Variants in WDR33 observed in about 807,000 individuals in gnomAD.
The protein encoded by WDR33 is pre-mRNA 3' end processing protein WDR33.
In WDR33, 47 loss-of-function variants were observed where a neutral mutation model predicts 164.9. That is an observed-to-expected ratio of 0.29 (90% confidence interval 0.23 to 0.36). WDR33 has a LOEUF of 0.36. Ranked by LOEUF, WDR33 falls within the 10% of genes least tolerant of loss-of-function variation. The pLI is 1.00. For synonymous variants in WDR33, 505 were observed against 589.0 expected (o/e 0.86, Z 2.06); for missense variants, 1,137 against 1,754.1 (o/e 0.65, Z 6.28).
At chr2:127,808,644 C>CA (rs1689520923) in intron 1 of WDR33, among the ~76,000 whole-genome samples, 1 of 152,118 alleles carries the variant, frequency 6.6e-6, no homozygotes, top group Non-Finnish European at 1.5e-5. Context: ...CCTGTAATCC[C>CA]AGCACTTTGG....
At chr2:127,790,845 G>C (rs1688818424) in intron 1 of WDR33, among the ~76,000 whole-genome samples, 1 of 152,132 alleles carries the variant, frequency 6.6e-6, no homozygotes, top group African/African-American at 2.4e-5. Flanking sequence ...GTTTTAGTTT[G>C]TGTCTTTGAA....
At chr2:127,749,248 C>T (rs955355714) in intron 7 of WDR33, among the ~76,000 whole-genome samples, 42 of 152,278 alleles carry the variant, frequency 2.8e-4, no homozygotes, top group African/African-American at 8.7e-4. Flanking sequence ...TCAGGTGGAT[C>T]GCATAAGCCC....
rs13411917 is a variant in WDR33 at position 127,704,053 on chromosome 2, G to A, written c.*2270C>T. ...GTGGGAAGATCACTTGAGCCCAGGA[G>A]GTTGAGGCTGCAGTGAACTGTGATC... On this transcript the variant is annotated 3_prime_UTR_variant, in exon 22 of 22. Coordinates refer to ENST00000322313, the MANE Select transcript of WDR33 (RefSeq NM_018383.5). The A allele has an allele frequency of 6.5e-3, 1,079 of 166,434 alleles. 10 individuals are homozygous for A. Among genetic ancestry groups the A allele is most frequent in the African/African-American group, 0.024 (1,012 of 41,492 alleles). 10.3% of individuals were successfully genotyped at this position (166,434 alleles called of 1,614,324 possible).
intron 1 of WDR33, among the ~76,000 whole-genome samples, chr2:127,797,869 C>T (rs552934418): frequency 1.3e-4 from 19 of 151,898 alleles, no homozygotes; most frequent in Admixed American, 9.9e-4. Context: ...AAAACTTAGC[C>T]GGGCATGGTG....
chr2:127,744,023 AC>A lies in WDR33; in HGVS notation c.725-17247del, dbSNP rs201705190. On this transcript the variant is annotated intron_variant, in intron 7 of 21. Coordinates refer to ENST00000322313, the MANE Select transcript of WDR33 (RefSeq NM_018383.5). Reference sequence around the variant, plus strand: ...ATCCCTCTATGGGGCTGGAGGAAAGACTTTTTACCATGTGTGCTTATTATTA... The same window carrying A: ...ATCCCTCTATGGGGCTGGAGGAAAGATTTTTACCATGTGTGCTTATTATTA... Among the ~76,000 whole-genome samples, 416 of 152,326 alleles carry A rather than the reference AC, an allele frequency of 2.7e-3. 4 individuals carry two copies. The highest frequency in any genetic ancestry group is 0.026 in the East Asian group (135 of 5,190).
chr2:127,723,040 G>A lies in WDR33; in HGVS notation c.1296C>T (p.Asp432=), dbSNP rs569981632. ...GMSEDGVEYD[D]LEPNSLAVIP... ...TTACTGCCAGGCTATTAGGTTCGAG[G>A]TCATCTATAAATAGTAATACACCAT... Residue 432 remains aspartate, a synonymous_variant, in exon 13 of 22, where the codon GAC becomes GAT. Transcript: ENST00000322313. This position sits in a 1 kb window ranked among gnomAD's most constrained non-coding sequence, Gnocchi z 5.9. 1.9e-6 allele frequency: 3 copies of A among 1,608,858 alleles called. No individual in the cohort carries two copies. Among genetic ancestry groups the A allele is most frequent in the Non-Finnish European group, 2.5e-6 (3 of 1,178,388 alleles).
chr2:127,710,126 C>T lies in WDR33; in HGVS notation c.3309-270G>A, dbSNP rs545394341. ...GGTATATACAAGTATTACTTCATTT[C>T]ATTCATTTCATTTTCACAGCCACCA... On this transcript the variant is annotated intron_variant, in intron 18 of 21. Coordinates refer to ENST00000322313, the MANE Select transcript of WDR33 (RefSeq NM_018383.5). The surrounding 1 kb of genome is among the most constrained non-coding windows in gnomAD (Gnocchi z 4.4). 1.3e-3 allele frequency among the ~76,000 whole-genome samples: 197 copies of T among 152,286 alleles called. 1 individual carries two copies. The highest frequency in any genetic ancestry group is 2.4e-3 in the Non-Finnish European group (161 of 68,034).
In WDR33 at chr2:127,701,572, G is replaced by A; in HGVS notation, c.*4751C>T. On this transcript the variant is annotated 3_prime_UTR_variant, in exon 22 of 22. Coordinates refer to ENST00000322313, the MANE Select transcript of WDR33 (RefSeq NM_018383.5). The stretch of plus-strand genomic sequence containing the variant: ...CAGCTGCAGGAGTACCTGGCGCAGG[G>A]GAAAGCTGGCGGCCCGGCGGCCGCG... 1 of 1,355,764 alleles carries A rather than the reference G, an allele frequency of 7.4e-7. No individual in the cohort carries two copies. The highest frequency in any genetic ancestry group is 9.5e-7 in the Non-Finnish European group (1 of 1,050,298). The allele number at this position is 1,355,764 out of a possible 1,614,324, so 84.0% of individuals were successfully genotyped here.
Position 127,723,469 on chromosome 2 carries a change from T to A in WDR33, c.1197-122A>T. ...TTACAATTTGTTTCTTCTACAAATT[T>A]AAAATGTGAGGTCATACACTTTGGC... On this transcript the variant is annotated intron_variant, in intron 11 of 21. Transcript: ENST00000322313. This position sits in a 1 kb window ranked among gnomAD's most constrained non-coding sequence, Gnocchi z 5.9. 1 of 787,180 alleles carries A rather than the reference T, an allele frequency of 1.3e-6. No homozygotes were observed. Among genetic ancestry groups the A allele is most frequent in the Non-Finnish European group, 2.0e-6 (1 of 498,456 alleles). 48.8% of individuals were successfully genotyped at this position (787,180 alleles called of 1,614,324 possible).
At chr2:127,786,844 C>CTTTTTTTTT (rs71307273) in intron 1 of WDR33, among the ~76,000 whole-genome samples, 9 of 111,868 alleles carry the variant, frequency 8.0e-5, no homozygotes, top group East Asian at 2.6e-4. Flanking sequence ...CCTTTCTGTT[C>CTTTTTTTTT]TTTTTTTTTT....
intron 1 of WDR33, among the ~76,000 whole-genome samples, chr2:127,809,527 C>T (rs187138039): frequency 3.7e-4 from 56 of 149,526 alleles, no homozygotes; most frequent in African/African-American, 1.2e-3. Context: ...CCTCTGCCTC[C>T]GGGGTTCAAG....
chr2:127,763,951 A>G lies in WDR33; in HGVS notation c.627-792T>C. Reference sequence around the variant, plus strand: ...AAAGCAGAAGCATGTTCATCCAACAATTTCTGTTAAGATTCTGAAAGTATG... The same window carrying G: ...AAAGCAGAAGCATGTTCATCCAACAGTTTCTGTTAAGATTCTGAAAGTATG... On this transcript the variant is annotated intron_variant, in intron 6 of 21. Transcript: ENST00000322313. The surrounding 1 kb of genome is among the most constrained non-coding windows in gnomAD (Gnocchi z 4.5). The G allele has an allele frequency of 1.0e-6, 1 of 985,772 alleles. No individual in the cohort carries two copies. Among genetic ancestry groups the G allele is most frequent in the African/African-American group, 1.7e-5 (1 of 57,374 alleles). The allele number at this position is 985,772 out of a possible 1,614,324, so 61.1% of individuals were successfully genotyped here.
At chr2:127,767,815 GCT>G (rs768841054) in intron 4 of WDR33, among the ~76,000 whole-genome samples, 2 of 152,176 alleles carry the variant, frequency 1.3e-5, no homozygotes, top group Non-Finnish European at 2.9e-5. Flanking sequence ...CAGTTCTTCA[GCT>G]CTCAGATGTT....
intron 1 of WDR33, among the ~76,000 whole-genome samples, chr2:127,807,539 A>G (rs1689483558): frequency 6.6e-6 from 1 of 152,214 alleles, no homozygotes; most frequent in South Asian, 2.1e-4. Flanking sequence ...GCAGTCACAC[A>G]GACACTAGAC....
rs1386899850 is a variant in WDR33 at position 127,703,628 on chromosome 2, G to A, written c.*2695C>T. 6.0e-6 allele frequency: 1 copy of A among 167,076 alleles called. No homozygotes were observed. The highest frequency in any genetic ancestry group is 1.5e-5 in the Non-Finnish European group (1 of 68,116). 10.3% of individuals were successfully genotyped at this position (167,076 alleles called of 1,614,324 possible). On this transcript the variant is annotated 3_prime_UTR_variant, in exon 22 of 22. Transcript: ENST00000322313. ...TCAGTAAACAAGGTTACCTACCTCA[G>A]GAGGCTGCTTGTGAGAGAGCAAATG...
At position 127,764,508 on chromosome 2, in the gene WDR33, C is replaced by T. The variant is rs1180307105; in HGVS notation, c.626+320G>A. ...AATTCTTTATTTGGAATGAAATATT[C>T]TTGTCTTACACAGTAGATAATAAAA... On this transcript the variant is annotated intron_variant, in intron 6 of 21. Coordinates refer to ENST00000322313, the MANE Select transcript of WDR33 (RefSeq NM_018383.5). This position sits in a 1 kb window ranked among gnomAD's most constrained non-coding sequence, Gnocchi z 6.2. 2.7e-6 allele frequency: 4 copies of T among 1,496,726 alleles called. No individual in the cohort carries two copies. Among genetic ancestry groups the T allele is most frequent in the Non-Finnish European group, 3.6e-6 (4 of 1,126,258 alleles). 92.7% of individuals were successfully genotyped at this position (1,496,726 alleles called of 1,614,324 possible).
chr2:127,731,131 CA>C, intron 7 of WDR33, among the ~76,000 whole-genome samples: 1 of 151,380 alleles, frequency 6.6e-6, no homozygotes, highest in South Asian at 2.1e-4. Flanking sequence ...GCCATTTTTA[CA>C]AAAAATACAA....
intron 7 of WDR33, among the ~76,000 whole-genome samples, chr2:127,740,214 C>G (rs1301871405): frequency 6.6e-6 from 1 of 152,172 alleles, no homozygotes; most frequent in Non-Finnish European, 1.5e-5. Flanking sequence ...ATGGTTCCGT[C>G]TACATTTTCT....
At chr2:127,799,099 C>T (rs1176159365) in intron 1 of WDR33, 4 of 152,108 alleles carry the variant, frequency 2.6e-5, no homozygotes, top group African/African-American at 9.7e-5. Flanking sequence ...GGAGGAGAAT[C>T]TACATTCTCA....
Sources: allele counts gnomAD v4.1 joint callset (sites outside exome capture counted in the v4.1 genomes callset), GRCh38; gene constraint gnomAD v4.1.1; non-coding constraint Gnocchi (gnomAD v3.1); transcripts MANE v1.5; gene names NCBI Gene and HGNC (gene_info 2026-07-23, HGNC 2026-07-21).